The following NALCN variants were observed in gnomAD, a reference collection of about 807,000 sequenced individuals.
NALCN encodes sodium leak channel NALCN.
NALCN carries 111 observed loss-of-function variants against 225.3 expected under a neutral mutation model. The ratio of observed to expected loss-of-function variants is 0.49; its 90% confidence interval spans 0.42 to 0.58. The LOEUF (loss-of-function observed/expected upper bound fraction) is 0.58. NALCN is among the 20% of genes least tolerant of loss of function. The pLI, the probability that NALCN is intolerant of heterozygous loss-of-function variation, is 0.00. For synonymous variants in NALCN, 764 were observed against 769.0 expected, an observed-to-expected ratio of 0.99 and a Z score of 0.11; for missense variants, 1,378 against 2,202.4, an observed-to-expected ratio of 0.63 and a Z score of 7.49.
At chr13:101,201,066 A>G (rs887739451) in intron 13 of NALCN, among the ~76,000 whole-genome samples, 3 of 152,224 alleles carry the variant, frequency 2.0e-5, no homozygotes, top group African/African-American at 7.2e-5. Context: ...GTGTGCATAT[A>G]AATGCTTGAA....
chr13:101,152,538 G>C (rs1196768542), intron 15 of NALCN, among the ~76,000 whole-genome samples: 1 of 151,958 alleles, frequency 6.6e-6, no homozygotes, highest in Non-Finnish European at 1.5e-5. Flanking sequence ...CAACAACATA[G>C]ATAATATTTG....
intron 7 of NALCN, among the ~76,000 whole-genome samples, chr13:101,333,737 G>A (rs1409700292): frequency 6.6e-6 from 1 of 152,292 alleles, no homozygotes; most frequent in Non-Finnish European, 1.5e-5. Flanking sequence ...TGCTCCAACT[G>A]ATTAGTTGAT....
At chr13:101,387,153 G>A (rs2047013232) in intron 3 of NALCN, among the ~76,000 whole-genome samples, 1 of 148,056 alleles carries the variant, frequency 6.8e-6, no homozygotes. Context: ...CCCGGGAAGC[G>A]GAGCTTGCAG....
At chr13:101,324,343 A>G (rs2044863872) in intron 7 of NALCN, among the ~76,000 whole-genome samples, 1 of 152,220 alleles carries the variant, frequency 6.6e-6, no homozygotes, top group African/African-American at 2.4e-5. Flanking sequence ...AAAAGAACAA[A>G]AGAAACACTA....
At chr13:101,297,115 T>C (rs2043784958) in intron 7 of NALCN, among the ~76,000 whole-genome samples, 1 of 152,352 alleles carries the variant, frequency 6.6e-6, no homozygotes, top group Admixed American at 6.5e-5. Flanking sequence ...TACTCCCATT[T>C]GTTTCTTCTA....
At chr13:101,081,422 C>A in intron 34 of NALCN, 105 bp downstream of exon 34, 1 of 1,540,040 alleles carries the variant, frequency 6.5e-7, no homozygotes, top group South Asian at 1.2e-5. Context: ...CATCTAACAC[C>A]TCAGAGCAGG....
In NALCN at chr13:101,089,876, C is replaced by T. The variant is rs1293556568; in HGVS notation, c.3360G>A (p.Val1120=). The stretch of plus-strand genomic sequence containing the variant: ...CCACACGATGAATAATAACATCTCT[C>T]ACTTCCACCCAGCCTTTCAAGGAGA... ...EVLSLKGWVE[V]RDVIIHRVGP... The change falls in exon 29 of 44, where the codon GTG becomes GTA. Residue 1120 remains valine, a synonymous_variant. Coordinates refer to ENST00000251127, the MANE Select transcript of NALCN (RefSeq NM_052867.4). The surrounding 1 kb of genome is among the most constrained non-coding windows in gnomAD (Gnocchi z 4.7). 1.3e-5 allele frequency: 21 copies of T among 1,614,074 alleles called. No individual in the cohort carries two copies. Among genetic ancestry groups the T allele is most frequent in the Non-Finnish European group, 1.8e-5 (21 of 1,179,934 alleles).
chr13:101,256,980 G>A (rs934330301), intron 11 of NALCN, among the ~76,000 whole-genome samples: 2 of 152,052 alleles, frequency 1.3e-5, no homozygotes, highest in African/African-American at 4.8e-5. Flanking sequence ...GGCCAGGCTT[G>A]TCTCGAACTC....
intron 37 of NALCN, 78 bp downstream of exon 37, chr13:101,073,506 T>G: frequency 8.2e-7 from 1 of 1,218,176 alleles, no homozygotes; most frequent in Non-Finnish European, 1.2e-6. Flanking sequence ...CTAACAAGGA[T>G]GATCCTGCCA....
chr13:101,118,090 T>C (rs1053267779), intron 18 of NALCN, among the ~76,000 whole-genome samples: 2 of 152,128 alleles, frequency 1.3e-5, no homozygotes, highest in Non-Finnish European at 2.9e-5. Context: ...GGCGTGATAG[T>C]GATGTGTCAG....
At chr13:101,254,390 AAAGG>A (rs1387441418) in intron 11 of NALCN, among the ~76,000 whole-genome samples, 55 of 150,758 alleles carry the variant, frequency 3.6e-4, no homozygotes, top group Non-Finnish European at 5.0e-4. Context: ...AAAAAAAAAA[AAAGG>A]AGACAAAAAC....
intron 6 of NALCN, among the ~76,000 whole-genome samples, chr13:101,376,489 C>T (rs548752989): frequency 5.3e-5 from 8 of 151,698 alleles, no homozygotes; most frequent in African/African-American, 1.7e-4. Flanking sequence ...TGCACCCCAG[C>T]CTCATGACAG....
intron 1 of NALCN, among the ~76,000 whole-genome samples, chr13:101,400,706 C>T (rs2047452002): frequency 6.6e-6 from 1 of 152,164 alleles, no homozygotes. Context: ...TCGCTATGTG[C>T]TCCTTTATCT....
intron 11 of NALCN, among the ~76,000 whole-genome samples, chr13:101,250,943 T>C (rs922776389): frequency 6.6e-5 from 10 of 151,998 alleles, no homozygotes; most frequent in African/African-American, 2.4e-4. Flanking sequence ...AGAAAATGTA[T>C]ATTAAGACTA....
In NALCN at chr13:101,366,556, G is replaced by GT. The variant is rs544376365; in HGVS notation, c.644+10143dup. 3.2e-3 allele frequency among the ~76,000 whole-genome samples: 492 copies of GT among 152,154 alleles called. 3 individuals carry two copies. Among genetic ancestry groups the GT allele is most frequent in the African/African-American group, 0.011 (462 of 41,524 alleles). On this transcript the variant is annotated intron_variant, in intron 6 of 43. Coordinates refer to ENST00000251127, the MANE Select transcript of NALCN (RefSeq NM_052867.4). The stretch of plus-strand genomic sequence containing the variant: ...AGAAATGAGGTCACGGCAGTAGCTG[G>GT]TAACACTGATTGCTGAAAACACAGC...
At chr13:101,253,962 T>G (rs2140200616) in intron 11 of NALCN, among the ~76,000 whole-genome samples, 1 of 152,368 alleles carries the variant, frequency 6.6e-6, no homozygotes, top group African/African-American at 2.4e-5. Flanking sequence ...TTAAAGTGAC[T>G]TTTTCACATT....
At chr13:101,223,837 C>T (rs375582613) in intron 13 of NALCN, among the ~76,000 whole-genome samples, 10 of 152,006 alleles carry the variant, frequency 6.6e-5, no homozygotes, top group African/African-American at 2.4e-4. Context: ...CTCTGCCAAC[C>T]CCTCTCATTT....
intron 42 of NALCN, chr13:101,059,227 C>CACAT (rs1223143141): frequency 6.6e-6 from 1 of 152,324 alleles, no homozygotes; most frequent in East Asian, 1.9e-4. Context: ...TTTATATAGA[C>CACAT]ACATACATAG....
At chr13:101,344,081 C>G (rs569041762) in intron 7 of NALCN, among the ~76,000 whole-genome samples, 6 of 151,944 alleles carry the variant, frequency 3.9e-5, no homozygotes, top group African/African-American at 1.5e-4. Flanking sequence ...AAGCTTATTC[C>G]GCACAGCCTA....
Sources: gnomAD v4.1 joint callset for allele counts (sites outside exome capture counted in the v4.1 genomes callset) on GRCh38, gnomAD v4.1.1 for gene constraint, Gnocchi (gnomAD v3.1) non-coding constraint, MANE v1.5 for transcripts, NCBI Gene and HGNC (gene_info 2026-07-23, HGNC 2026-07-21) for gene names.